Variants in HPSE2 observed in about 807,000 individuals in gnomAD.
HPSE2 encodes the protein heparanase 2 (inactive).
A neutral mutation model predicts 60.5 loss-of-function variants in HPSE2; 38 were observed. The observed-to-expected ratio is 0.63, with a 90% CI of 0.48 to 0.82. HPSE2 has a LOEUF of 0.82. Ranked by LOEUF, HPSE2 falls within the 40% of genes least tolerant of loss-of-function variation. HPSE2 has a pLI of 0.00. For synonymous variants in HPSE2, 295 were observed against 293.2 expected (o/e 1.01, Z -0.06); for missense variants, 713 against 740.4 (o/e 0.96, Z 0.43).
chr10:99,246,975 C>CA, the HPSE2 span, among the ~76,000 whole-genome samples: 81 of 150,572 alleles, frequency 5.4e-4, 1 homozygote, highest in East Asian at 1.6e-3. Flanking sequence ...AATCTGTTCT[C>CA]AAAAACAAAA....
intron 3 of HPSE2, among the ~76,000 whole-genome samples, chr10:99,100,348 T>A (rs183022541): frequency 2.0e-5 from 3 of 152,144 alleles, no homozygotes; most frequent in African/African-American, 7.2e-5. Context: ...GACAAATACA[T>A]AAGCTTCAGT....
intron 6 of HPSE2, among the ~76,000 whole-genome samples, chr10:98,693,602 A>T (rs961794299): frequency 6.6e-6 from 1 of 152,254 alleles, no homozygotes; most frequent in Non-Finnish European, 1.5e-5. Context: ...AAACAGTGGC[A>T]TGCTCAGATC....
At chr10:99,067,291 C>G (rs1211474652) in intron 3 of HPSE2, among the ~76,000 whole-genome samples, 1 of 152,178 alleles carries the variant, frequency 6.6e-6, no homozygotes, top group African/African-American at 2.4e-5. Context: ...ATTCTGGGGT[C>G]TGGAGGATGG....
chr10:98,527,113 A>G (rs1015032783), intron 9 of HPSE2, among the ~76,000 whole-genome samples: 3 of 151,564 alleles, frequency 2.0e-5, no homozygotes, highest in Admixed American at 6.6e-5. Context: ...TTTAATTTCT[A>G]CCTCCTGATA....
chr10:98,710,468 G>C (rs1382352122), intron 5 of HPSE2, among the ~76,000 whole-genome samples: 1 of 152,118 alleles, frequency 6.6e-6, no homozygotes, highest in African/African-American at 2.4e-5. Flanking sequence ...TAGGTTTATA[G>C]AGGCTTAAAT....
At chr10:99,181,429 G>A (rs925846626) in intron 2 of HPSE2, among the ~76,000 whole-genome samples, 13 of 140,914 alleles carry the variant, frequency 9.2e-5, no homozygotes, top group African/African-American at 2.6e-4. Context: ...AAAGACACAC[G>A]CACATGTATG....
intron 3 of HPSE2, among the ~76,000 whole-genome samples, chr10:99,143,193 C>T (rs1305008285): frequency 6.6e-6 from 1 of 152,122 alleles, no homozygotes; most frequent in Admixed American, 6.5e-5. Context: ...CCCTTTTCTG[C>T]TCACCAAAGC....
At chr10:99,300,021 G>A in the HPSE2 span, among the ~76,000 whole-genome samples, 3 of 94,020 alleles carry the variant, frequency 3.2e-5, no homozygotes, top group Non-Finnish European at 6.5e-5. Context: ...CAGGGCAGAG[G>A]GAGAGGCAAA....
chr10:99,002,989 A>T (rs902527497), intron 3 of HPSE2, among the ~76,000 whole-genome samples: 1 of 151,958 alleles, frequency 6.6e-6, no homozygotes, highest in Non-Finnish European at 1.5e-5. Flanking sequence ...ATCTAACTGA[A>T]ATTTTGTATT....
intron 3 of HPSE2, among the ~76,000 whole-genome samples, chr10:98,963,218 C>T (rs1476973436): frequency 2.6e-5 from 4 of 152,108 alleles, no homozygotes; most frequent in Non-Finnish European, 4.4e-5. Flanking sequence ...AAAAAAAAGA[C>T]ATATTATAAC....
intron 3 of HPSE2, among the ~76,000 whole-genome samples, chr10:98,800,451 A>G (rs1950879680): frequency 1.4e-5 from 2 of 147,808 alleles, no homozygotes; most frequent in South Asian, 4.2e-4. Context: ...ATAATTTTAT[A>G]TAACATATAT....
chr10:98,974,614 C>A (rs1168782749), intron 3 of HPSE2, among the ~76,000 whole-genome samples: 3 of 152,136 alleles, frequency 2.0e-5, no homozygotes, highest in Non-Finnish European at 2.9e-5. Context: ...AAGTCTACAG[C>A]AACTTTATAG....
chr10:98,649,774 C>T (rs1359494428), intron 6 of HPSE2, among the ~76,000 whole-genome samples: 1 of 152,162 alleles, frequency 6.6e-6, no homozygotes, highest in Non-Finnish European at 1.5e-5. Flanking sequence ...GAAAAAGGGG[C>T]TCCATGGTCA....
chr10:98,947,160 A>G (rs1387666884), intron 3 of HPSE2, among the ~76,000 whole-genome samples: 1 of 152,058 alleles, frequency 6.6e-6, no homozygotes, highest in Non-Finnish European at 1.5e-5. Context: ...AAGAATAAGG[A>G]CCATGGTGAA....
intron 5 of HPSE2, among the ~76,000 whole-genome samples, chr10:98,698,873 AT>A (rs1334534176): frequency 6.6e-6 from 1 of 152,248 alleles, no homozygotes; most frequent in Non-Finnish European, 1.5e-5. Flanking sequence ...CTCTACACAA[AT>A]AAACTAGAAA....
At chr10:98,630,195 GTT>G (rs149014315) in intron 7 of HPSE2, among the ~76,000 whole-genome samples, 2 of 127,286 alleles carry the variant, frequency 1.6e-5, no homozygotes, top group South Asian at 2.5e-4. Flanking sequence ...TTTTTTTTTT[GTT>G]TTTTTTTTTT....
rs368470628 is a variant in HPSE2 at position 99,107,207 on chromosome 10, C to T, written c.610+37031G>A. On this transcript the variant is annotated intron_variant, in intron 3 of 11. Transcript: ENST00000370552. ...AGTTTTAAGAATTTACTACTTTTCA[C>T]TAATTTTTCTATATCCTTTTCTCTG... Among the ~76,000 whole-genome samples, 7 of 152,100 alleles carry T rather than the reference C, an allele frequency of 4.6e-5. No homozygotes were observed. The East Asian group carries it at 5.8e-4, about 13-fold the overall frequency.
At chr10:98,801,022 G>A (rs1434056432) in intron 3 of HPSE2, among the ~76,000 whole-genome samples, 5 of 152,176 alleles carry the variant, frequency 3.3e-5, no homozygotes, top group Non-Finnish European at 7.4e-5. Context: ...ATGACCAAGT[G>A]AGATTTATCC....
the HPSE2 span, among the ~76,000 whole-genome samples, chr10:99,271,549 T>C: frequency 1.3e-5 from 2 of 152,070 alleles, no homozygotes; most frequent in Non-Finnish European, 2.9e-5. Context: ...AGAATCAATA[T>C]TGTGAAAATC....
Sources: gnomAD v4.1 joint callset for allele counts (sites outside exome capture counted in the v4.1 genomes callset) on GRCh38, gnomAD v4.1.1 for gene constraint, MANE v1.5 for transcripts, NCBI Gene and HGNC (gene_info 2026-07-23, HGNC 2026-07-21) for gene names.